Variants in PTPRD observed in about 807,000 individuals in gnomAD.
PTPRD encodes the protein receptor-type tyrosine-protein phosphatase delta.
Under a neutral mutation model 214.5 loss-of-function variants are expected in PTPRD, and 34 were observed. That is an observed-to-expected ratio of 0.16 (90% CI 0.12 to 0.21). The LOEUF is 0.21. PTPRD is among the 10% of genes least tolerant of loss of function. PTPRD has a pLI of 1.00. For synonymous variants in PTPRD, 1,128 were observed against 845.7 expected, an observed-to-expected ratio of 1.33 and a Z score of -5.79; for missense variants, 2,545 against 2,398.7, an observed-to-expected ratio of 1.06 and a Z score of -1.27.
chr9:8,763,356 A>C (rs1010431), intron 11 of PTPRD, among the ~76,000 whole-genome samples: 7,026 of 151,968 alleles, frequency 0.046, 408 homozygotes, highest in African/African-American at 0.13. Flanking sequence ...TAATAAAAAT[A>C]TACAAAAATT....
chr9:8,436,736 T>C (rs373120831), intron 34 of PTPRD, 47 bp from the exon 35 acceptor site: 2 of 1,426,186 alleles, frequency 1.4e-6, no homozygotes, highest in African/African-American at 1.4e-5. Flanking sequence ...CAAATGAAAA[T>C]GATGCTAACT....
At chr9:9,949,881 G>C (rs2093264568) in intron 4 of PTPRD, among the ~76,000 whole-genome samples, 1 of 152,114 alleles carries the variant, frequency 6.6e-6, no homozygotes, top group Non-Finnish European at 1.5e-5. Context: ...TTGAGTTATT[G>C]AATCATGGCT....
chr9:9,893,550 T>A (rs1165766067), intron 5 of PTPRD, among the ~76,000 whole-genome samples: 3 of 152,188 alleles, frequency 2.0e-5, no homozygotes, highest in Non-Finnish European at 4.4e-5. Context: ...AGTTTATATA[T>A]AATTCATGTA....
chr9:10,606,266 G>T lies in PTPRD; in HGVS notation c.-600+6132C>A, dbSNP rs1322292. 3.0e-3 allele frequency among the ~76,000 whole-genome samples: 449 copies of T among 151,904 alleles called. 4 individuals are homozygous for T. Among genetic ancestry groups the T allele is most frequent in the African/African-American group, 9.9e-3 (410 of 41,512 alleles). ...CTTTCATCCTGATAACCATTTGGGT[G>T]AAGAATAAGAAATGAAATAATTCTG... On this transcript the variant is annotated intron_variant, in intron 2 of 45. Coordinates refer to ENST00000381196, the MANE Select transcript of PTPRD (RefSeq NM_002839.4).
chr9:9,913,163 A>T (rs1219613949), intron 5 of PTPRD, among the ~76,000 whole-genome samples: 2 of 152,210 alleles, frequency 1.3e-5, no homozygotes, highest in African/African-American at 4.8e-5. Flanking sequence ...ATTGCTATAT[A>T]AATTCATTTT....
At chr9:9,522,104 C>G (rs1457187616) in intron 8 of PTPRD, among the ~76,000 whole-genome samples, 2 of 137,794 alleles carry the variant, frequency 1.5e-5, no homozygotes, top group Non-Finnish European at 3.0e-5. Flanking sequence ...TTGTGGTGAG[C>G]TGAGATTGTG....
rs34128512 is a variant in PTPRD, at chr9:9,578,045, C to CAAAAAAA, written c.-286-3271_-286-3265dup. Among the ~76,000 whole-genome samples, 8 of 102,392 alleles carry CAAAAAAA rather than the reference C, an allele frequency of 7.8e-5. 3 individuals are homozygous for CAAAAAAA. Among genetic ancestry groups the CAAAAAAA allele is most frequent in the African/African-American group, 7.7e-5 (2 of 26,122 alleles). The allele number at this position is 102,392 out of a possible 152,430, so 67.2% of individuals were successfully genotyped here. ...TTGGTGACAGAGTAAGACTCTGTCT[C>CAAAAAAA]AAAAAAAAAAAAAAAAAAAAAAAAA... On this transcript the variant is annotated intron_variant, in intron 7 of 45. Transcript: ENST00000381196.
intron 11 of PTPRD, among the ~76,000 whole-genome samples, chr9:8,872,324 T>C (rs1411900335): frequency 6.6e-6 from 1 of 152,192 alleles, no homozygotes; most frequent in Non-Finnish European, 1.5e-5. Flanking sequence ...CTGTGTGTGA[T>C]ATGATCTCCC....
At chr9:9,696,602 A>G (rs1267694866) in intron 7 of PTPRD, among the ~76,000 whole-genome samples, 1 of 152,024 alleles carries the variant, frequency 6.6e-6, no homozygotes, top group African/African-American at 2.4e-5. Flanking sequence ...AGTCTATGTT[A>G]TCTGATTTAA....
chr9:10,121,163 T>A (rs1163787544), intron 3 of PTPRD, among the ~76,000 whole-genome samples: 1 of 152,158 alleles, frequency 6.6e-6, no homozygotes, highest in Non-Finnish European at 1.5e-5. Flanking sequence ...GAGTATTGAT[T>A]ATCAGAGATA....
chr9:9,385,762 C>T (rs964951819), intron 9 of PTPRD, among the ~76,000 whole-genome samples: 1 of 152,118 alleles, frequency 6.6e-6, no homozygotes, highest in Non-Finnish European at 1.5e-5. Context: ...GTCGACATAA[C>T]TTTGGGGTGA....
intron 11 of PTPRD, among the ~76,000 whole-genome samples, chr9:8,802,144 C>A (rs931007842): frequency 5.3e-5 from 8 of 152,112 alleles, no homozygotes; most frequent in Non-Finnish European, 1.2e-4. Flanking sequence ...CTGGTCCTTC[C>A]ATCCCCCCAT....
At chr9:9,922,502 A>C (rs1400221425) in intron 5 of PTPRD, among the ~76,000 whole-genome samples, 2 of 152,068 alleles carry the variant, frequency 1.3e-5, no homozygotes, top group African/African-American at 4.8e-5. Context: ...TCAGCAATGG[A>C]AGCAAAATTT....
chr9:10,231,941 C>A (rs1248907381), intron 3 of PTPRD, among the ~76,000 whole-genome samples: 3 of 142,698 alleles, frequency 2.1e-5, no homozygotes, highest in Admixed American at 7.0e-5. Context: ...TGTATTAGTT[C>A]TCTTGGGAAT....
chr9:10,123,621 G>C (rs752074171), intron 3 of PTPRD, among the ~76,000 whole-genome samples: 4 of 152,054 alleles, frequency 2.6e-5, no homozygotes, highest in Non-Finnish European at 4.4e-5. Context: ...AATTCAGATG[G>C]ACTTTTAAAA....
At chr9:8,435,445 A>T (rs572025501) in intron 35 of PTPRD, among the ~76,000 whole-genome samples, 1 of 152,196 alleles carries the variant, frequency 6.6e-6, no homozygotes, top group South Asian at 2.1e-4. Context: ...AACGACTCCC[A>T]GTAAGTAAAT....
intron 2 of PTPRD, among the ~76,000 whole-genome samples, chr9:10,419,301 C>T (rs769542671): frequency 4.6e-5 from 7 of 151,858 alleles, no homozygotes; most frequent in African/African-American, 1.7e-4. Context: ...ACACTGGACT[C>T]TAATCTTTTG....
intron 7 of PTPRD, among the ~76,000 whole-genome samples, chr9:9,637,250 C>T (rs900548923): frequency 6.6e-6 from 1 of 152,146 alleles, no homozygotes; most frequent in African/African-American, 2.4e-5. Context: ...TCTTAATTCA[C>T]TCTAGCATAA....
chr9:9,350,376 T>C (rs1034559327), intron 9 of PTPRD, among the ~76,000 whole-genome samples: 3 of 152,176 alleles, frequency 2.0e-5, no homozygotes, highest in Admixed American at 2.0e-4. Flanking sequence ...TTTGGACAAA[T>C]GGACATTTAT....
Sources: allele counts gnomAD v4.1 joint callset (sites outside exome capture counted in the v4.1 genomes callset), GRCh38; gene constraint gnomAD v4.1.1; transcripts MANE v1.5; gene names NCBI Gene and HGNC (gene_info 2026-07-23, HGNC 2026-07-21).